FAM168A: variants seen among roughly 807,000 people sequenced by gnomAD.
FAM168A encodes protein FAM168A.
Under a neutral mutation model 28.5 loss-of-function variants are expected in FAM168A, and 3 were observed. The observed-to-expected ratio is 0.11, with a 90% CI of 0.05 to 0.27. The LOEUF (loss-of-function observed/expected upper bound fraction) is 0.27, where lower values mean the gene tolerates loss of function less well. FAM168A is among the 10% of genes least tolerant of loss of function. The pLI is 1.00. For synonymous variants in FAM168A, 122 were observed against 124.2 expected, an observed-to-expected ratio of 0.98 and a Z score of 0.12; for missense variants, 222 against 311.5, an observed-to-expected ratio of 0.71 and a Z score of 2.16.
chr11:73,559,354 C>T (rs1277439530), intron 1 of FAM168A, among the ~76,000 whole-genome samples: 1 of 151,992 alleles, frequency 6.6e-6, no homozygotes, highest in Non-Finnish European at 1.5e-5. Flanking sequence ...ATGCAGTGAG[C>T]CGAGATCGCG....
chr11:73,410,300 T>C (rs1866585726), intron 5 of FAM168A, among the ~76,000 whole-genome samples: 1 of 151,138 alleles, frequency 6.6e-6, no homozygotes, highest in South Asian at 2.1e-4. Flanking sequence ...CCCAGCTACC[T>C]GGGAGGCTGA....
At chr11:73,584,468 A>G (rs1275272974) in intron 1 of FAM168A, among the ~76,000 whole-genome samples, 1 of 135,930 alleles carries the variant, frequency 7.4e-6, no homozygotes, top group Non-Finnish European at 1.6e-5. Context: ...TGGCCCACTG[A>G]CTTTTTTTTT....
intron 2 of FAM168A, among the ~76,000 whole-genome samples, chr11:73,445,829 T>A (rs1867302444): frequency 6.6e-6 from 1 of 152,218 alleles, no homozygotes; most frequent in African/African-American, 2.4e-5. Flanking sequence ...TTATCAAATA[T>A]TCTATCTCTG....
Position 73,404,449 on chromosome 11 carries a change from CATT to C in FAM168A, c.*2311_*2313del, listed in dbSNP as rs1410489539. ...ATCCAAAGGTTTCTATTATTATTAT[CATT>C]ATTATTATTTTGGCATTTTTCAAAC... On this transcript the variant is annotated 3_prime_UTR_variant, in exon 8 of 8. Transcript: ENST00000356467. 6.6e-6 allele frequency: 1 copy of C among 152,138 alleles called. No individual in the cohort carries two copies. Among genetic ancestry groups the C allele is most frequent in the African/African-American group, 2.4e-5 (1 of 41,426 alleles). The allele number at this position is 152,138 out of a possible 1,614,324, so 9.4% of individuals were successfully genotyped here.
At chr11:73,518,713 T>C (rs1157117526) in intron 1 of FAM168A, among the ~76,000 whole-genome samples, 1 of 152,162 alleles carries the variant, frequency 6.6e-6, no homozygotes, top group South Asian at 2.1e-4. Context: ...CTGGCCAACA[T>C]GGTGAAACCC....
chr11:73,432,296 T>C (rs1041843164), intron 2 of FAM168A, among the ~76,000 whole-genome samples: 2 of 152,212 alleles, frequency 1.3e-5, no homozygotes, highest in Non-Finnish European at 2.9e-5. Flanking sequence ...TACCAAGTAG[T>C]AGAATTGTTG....
chr11:73,582,181 T>C (rs1205757751), intron 1 of FAM168A, among the ~76,000 whole-genome samples: 2 of 152,156 alleles, frequency 1.3e-5, no homozygotes, highest in African/African-American at 4.8e-5. Context: ...TTTTGCTTGC[T>C]ACAAAGACTC....
At chr11:73,512,900 T>C (rs906825549) in intron 1 of FAM168A, among the ~76,000 whole-genome samples, 1 of 152,184 alleles carries the variant, frequency 6.6e-6, no homozygotes, top group Non-Finnish European at 1.5e-5. Context: ...TGCCCATTTA[T>C]TAATTTAATC....
chr11:73,536,462 C>T (rs1565287913), intron 1 of FAM168A, among the ~76,000 whole-genome samples: 1 of 152,108 alleles, frequency 6.6e-6, no homozygotes, highest in Non-Finnish European at 1.5e-5. Flanking sequence ...CCGAAGTGGG[C>T]AGATCACGTA....
intron 2 of FAM168A, among the ~76,000 whole-genome samples, chr11:73,456,677 C>T (rs1301498665): frequency 6.6e-6 from 1 of 152,230 alleles, no homozygotes; most frequent in Non-Finnish European, 1.5e-5. Context: ...CTGCCTTTGT[C>T]CATAGGAATC....
intron 2 of FAM168A, among the ~76,000 whole-genome samples, chr11:73,445,419 C>CTCTTTTT (rs776745757): frequency 2.0e-5 from 1 of 50,434 alleles, no homozygotes; most frequent in Admixed American, 3.2e-4. Flanking sequence ...AAAAATGTCT[C>CTCTTTTT]TTTTTTTTTT....
intron 1 of FAM168A, among the ~76,000 whole-genome samples, chr11:73,520,821 CAA>C (rs879857288): frequency 3.0e-5 from 4 of 131,480 alleles, no homozygotes; most frequent in Non-Finnish European, 4.9e-5. Context: ...TCAAGCCATT[CAA>C]AAAAAAAAAA....
chr11:73,501,653 G>A (rs940602086), intron 1 of FAM168A, among the ~76,000 whole-genome samples: 3 of 152,174 alleles, frequency 2.0e-5, no homozygotes, highest in African/African-American at 7.2e-5. Flanking sequence ...AGAACAAAGA[G>A]ACAACGTACC....
At position 73,540,194 on chromosome 11, in the gene FAM168A, AAAAAACAAAG is replaced by A. The variant is rs1316929172; in HGVS notation, c.-19+57719_-19+57728del. On this transcript the variant is annotated intron_variant, in intron 1 of 7. Transcript: ENST00000356467. Reference sequence around the variant, plus strand: ...AAGATCTACTGACTAAAACAAACTGAAAAAACAAAGAAAAACAAATTAAACTGATTTGATA... The same window carrying A: ...AAGATCTACTGACTAAAACAAACTGAAAAAACAAATTAAACTGATTTGATA... Among the ~76,000 whole-genome samples the A allele has an allele frequency of 2.0e-5, 3 of 152,236 alleles. No homozygotes were observed. The East Asian group carries it at 5.8e-4, about 29-fold the overall frequency.
At chr11:73,452,492 G>A (rs1267882637) in intron 2 of FAM168A, 1 of 152,276 alleles carries the variant, frequency 6.6e-6, no homozygotes, top group Non-Finnish European at 1.5e-5. Context: ...GGACAAGACT[G>A]AAGAATTCTG....
chr11:73,539,516 G>A (rs778917647), intron 1 of FAM168A, among the ~76,000 whole-genome samples: 5 of 152,110 alleles, frequency 3.3e-5, no homozygotes, highest in Admixed American at 1.3e-4. Flanking sequence ...TGATCCACCC[G>A]CCTCGGCCTC....
chr11:73,499,574 T>C (rs1854963169), intron 1 of FAM168A, among the ~76,000 whole-genome samples: 1 of 151,988 alleles, frequency 6.6e-6, no homozygotes, highest in Non-Finnish European at 1.5e-5. Flanking sequence ...TAAAAAACTA[T>C]GATGATCAAA....
At chr11:73,523,938 C>T (rs1461708946) in intron 1 of FAM168A, among the ~76,000 whole-genome samples, 1 of 150,962 alleles carries the variant, frequency 6.6e-6, no homozygotes, top group South Asian at 2.1e-4. Flanking sequence ...TCATAACTCA[C>T]TGTAACCTCA....
intron 1 of FAM168A, among the ~76,000 whole-genome samples, chr11:73,545,747 T>C (rs1337346251): frequency 7.0e-6 from 1 of 142,724 alleles, no homozygotes; most frequent in Non-Finnish European, 1.5e-5. Context: ...TGGAGTGCAG[T>C]GGTGCGATCA....
Sources: gnomAD v4.1 joint callset for allele counts (sites outside exome capture counted in the v4.1 genomes callset) on GRCh38, gnomAD v4.1.1 for gene constraint, MANE v1.5 for transcripts, NCBI Gene and HGNC (gene_info 2026-07-23, HGNC 2026-07-21) for gene names.